The following STRA8 variants were observed in gnomAD, a reference collection of about 807,000 sequenced individuals.
STRA8 encodes stimulated by retinoic acid gene 8 protein homolog.
In STRA8, 18 loss-of-function variants were observed where a neutral mutation model predicts 37.1. The ratio of observed to expected loss-of-function variants is 0.48; its 90% CI spans 0.34 to 0.72. STRA8 has a LOEUF of 0.72. STRA8 is among the 30% of genes least tolerant of loss of function. STRA8 has a pLI of 0.01. For synonymous variants in STRA8, 168 were observed against 162.9 expected, an observed-to-expected ratio of 1.03 and a Z score of -0.24; for missense variants, 357 against 410.4, an observed-to-expected ratio of 0.87 and a Z score of 1.13.
At chr7:135,257,747 A>G (rs1003594742) in intron 8 of STRA8, among the ~76,000 whole-genome samples, 18 of 152,178 alleles carry the variant, frequency 1.2e-4, no homozygotes, top group Non-Finnish European at 2.2e-4. Context: ...CTGCTTAAAA[A>G]AATATCATCT....
chr7:135,247,518 CTCTT>C (rs1318773184), intron 6 of STRA8, among the ~76,000 whole-genome samples: 11 of 152,218 alleles, frequency 7.2e-5, no homozygotes, highest in African/African-American at 2.7e-4. Context: ...CCTACGAAAG[CTCTT>C]TCTTAAGAGT....
intron 1 of STRA8, among the ~76,000 whole-genome samples, chr7:135,240,126 C>T (rs1585469019): frequency 6.6e-6 from 1 of 152,214 alleles, no homozygotes; most frequent in East Asian, 1.9e-4. Context: ...TAAAATTAAC[C>T]CCTGAAATTA....
intron 7 of STRA8, 108 bp from the exon 8 acceptor site, chr7:135,255,006 C>A: frequency 1.2e-6 from 1 of 839,858 alleles, no homozygotes; most frequent in Non-Finnish European, 2.0e-6. Context: ...TGAGAATTTA[C>A]ATGTGCTTGG....
intron 1 of STRA8, among the ~76,000 whole-genome samples, chr7:135,235,670 T>A (rs931888605): frequency 6.6e-6 from 1 of 152,126 alleles, no homozygotes; most frequent in African/African-American, 2.4e-5. Context: ...TTGAACTCCT[T>A]ACCTCAGGTG....
chr7:135,238,723 A>G (rs1832417055), intron 1 of STRA8, among the ~76,000 whole-genome samples: 1 of 152,200 alleles, frequency 6.6e-6, no homozygotes, highest in Non-Finnish European at 1.5e-5. Context: ...AAAAACCTAT[A>G]TTCTTCTGTT....
upstream of STRA8, chr7:135,232,135 G>T: frequency 2.7e-6 from 3 of 1,113,262 alleles, no homozygotes; most frequent in South Asian, 1.2e-5. Context: ...GGGAGGTGGG[G>T]TGACTACATG....
chr7:135,252,121 T>G (rs1585479487), intron 7 of STRA8, among the ~76,000 whole-genome samples: 1 of 151,872 alleles, frequency 6.6e-6, no homozygotes, highest in Non-Finnish European at 1.5e-5. Context: ...ATTCTCACAC[T>G]GCTACAAAGA....
chr7:135,237,250 G>A (rs889266259), intron 1 of STRA8, among the ~76,000 whole-genome samples: 1 of 152,182 alleles, frequency 6.6e-6, no homozygotes, highest in African/African-American at 2.4e-5. Context: ...CAGGCCCTAG[G>A]GAGGAGAGTT....
chr7:135,254,158 C>G (rs537670980), intron 7 of STRA8, among the ~76,000 whole-genome samples: 1 of 152,326 alleles, frequency 6.6e-6, no homozygotes, highest in Non-Finnish European at 1.5e-5. Flanking sequence ...CTGGAAGACA[C>G]ATTCCTGTTT....
chr7:135,238,291 A>T (rs1477874428), intron 1 of STRA8, among the ~76,000 whole-genome samples: 1 of 152,156 alleles, frequency 6.6e-6, no homozygotes. Context: ...CAGCTTGGCC[A>T]GCATGCTCTG....
chr7:135,232,116 G>A, upstream of STRA8: 1 of 1,332,104 alleles, frequency 7.5e-7, no homozygotes, highest in Non-Finnish European at 1.1e-6. Flanking sequence ...GTGTGGCAGT[G>A]GTTGGGGCGG....
Position 135,246,801 on chromosome 7 carries a change from A to C in STRA8, c.879+99A>C. On this transcript the variant is annotated intron_variant, in intron 6 of 8. Transcript: ENST00000662584. The surrounding 1 kb of genome is among the most constrained non-coding windows in gnomAD (Gnocchi z 5.4). ...TTTGCATTTAGCAGGTTGGAGGTGCAGTTTGCCTTCTGGCTCCCAAGGTCG... is the reference window on the plus strand; with the variant it reads ...TTTGCATTTAGCAGGTTGGAGGTGCCGTTTGCCTTCTGGCTCCCAAGGTCG... 1.6e-6 allele frequency: 2 copies of C among 1,276,938 alleles called. No homozygotes were observed. Among genetic ancestry groups the C allele is most frequent in the East Asian group, 5.5e-5 (2 of 36,406 alleles). 79.1% of individuals were successfully genotyped at this position (1,276,938 alleles called of 1,614,324 possible). A position where few individuals can be genotyped will look rare whatever the true frequency, so the allele number is the denominator to read the frequency against.
At chr7:135,236,910 C>A (rs765861689) in intron 1 of STRA8, among the ~76,000 whole-genome samples, 9 of 152,170 alleles carry the variant, frequency 5.9e-5, no homozygotes, top group Non-Finnish European at 1.0e-4. Context: ...TCATCTATGT[C>A]TATGCATGGT....
At chr7:135,251,170 A>G (rs2117818101) in intron 6 of STRA8, among the ~76,000 whole-genome samples, 1 of 152,368 alleles carries the variant, frequency 6.6e-6, no homozygotes, top group South Asian at 2.1e-4. Flanking sequence ...TATAAAGTGG[A>G]TAATGTTCAA....
At chr7:135,252,705 C>A (rs541669918) in intron 7 of STRA8, among the ~76,000 whole-genome samples, 1 of 152,290 alleles carries the variant, frequency 6.6e-6, no homozygotes, top group African/African-American at 2.4e-5. Flanking sequence ...GTCCTGCTAA[C>A]CTCCACTGAG....
chr7:135,237,561 G>A (rs1002636647), intron 1 of STRA8, among the ~76,000 whole-genome samples: 10 of 152,144 alleles, frequency 6.6e-5, no homozygotes, highest in Non-Finnish European at 1.5e-4. Flanking sequence ...ACAAATCACA[G>A]GTGCTGACGG....
intron 6 of STRA8, among the ~76,000 whole-genome samples, chr7:135,251,003 G>C (rs924978410): frequency 6.6e-6 from 1 of 152,176 alleles, no homozygotes; most frequent in East Asian, 1.9e-4. Context: ...TGACTGGAGA[G>C]AATTAGATCA....
rs1451969450 is a variant in STRA8, at chr7:135,258,544, A to G, written c.*52A>G. The G allele has an allele frequency of 2.7e-6, 4 of 1,490,414 alleles. No homozygotes were observed. In the African/African-American group the frequency reaches 4.2e-5, roughly 16 times the overall value. 92.3% of individuals were successfully genotyped at this position (1,490,414 alleles called of 1,614,324 possible). A position where few individuals can be genotyped will look rare whatever the true frequency, so the allele number is the denominator to read the frequency against. ...GACTGAATGAGGTGGGCAGTTCCCAAGGTTGAATGCTGGCAGCTAAGGTTG... is the reference window on the plus strand; with the variant it reads ...GACTGAATGAGGTGGGCAGTTCCCAGGGTTGAATGCTGGCAGCTAAGGTTG... On this transcript the variant is annotated 3_prime_UTR_variant, in exon 9 of 9. Transcript: ENST00000662584.
intron 7 of STRA8, 128 bp downstream of exon 7, chr7:135,251,997 A>T: frequency 1.3e-6 from 1 of 759,824 alleles, no homozygotes. Flanking sequence ...GAGAGGAGAC[A>T]GAGGGAGAGA....
Sources: allele counts gnomAD v4.1 joint callset (sites outside exome capture counted in the v4.1 genomes callset), GRCh38; gene constraint gnomAD v4.1.1; non-coding constraint Gnocchi (gnomAD v3.1); transcripts MANE v1.5; gene names NCBI Gene and HGNC (gene_info 2026-07-23, HGNC 2026-07-21).